The following NTHL1 variants were observed in gnomAD, a reference collection of about 807,000 sequenced individuals.
NTHL1 encodes endonuclease III-like protein 1.
A neutral mutation model predicts 32.3 loss-of-function variants in NTHL1; 32 were observed. The observed-to-expected ratio is 0.99, with a 90% confidence interval of 0.75 to 1.33. NTHL1 has a LOEUF of 1.33. Ranked by LOEUF, NTHL1 falls within the 40% of genes most tolerant of loss-of-function variation. The probability of loss-of-function intolerance (pLI) is 0.00; values close to 1 mark genes in which losing one functional copy is unlikely to be tolerated. For synonymous variants in NTHL1, 188 were observed against 176.9 expected (o/e 1.06, Z -0.50); for missense variants, 501 against 414.1 (o/e 1.21, Z -1.82).
chr16:2,046,221 C>T lies in NTHL1; in HGVS notation c.261G>A (p.Gln87=). 6.2e-7 allele frequency: 1 copy of T among 1,613,214 alleles called. No individual in the cohort carries two copies. The highest frequency in any genetic ancestry group is 1.1e-5 in the South Asian group (1 of 91,088). Residue 87 remains glutamine (Q), a synonymous_variant, in exon 2 of 6, where the codon CAG becomes CAA. Coordinates refer to ENST00000651570, the MANE Select transcript of NTHL1 (RefSeq NM_002528.7). ...TCCTCATGGCACGGATGTTGACCAG[C>T]TGTTGCTGCCAGTCCTGGGGCTCCC... The part of the protein sequence containing the change: ...PVWEPQDWQQ[Q]LVNIRAMRNK...
chr16:2,044,132 A>C lies in NTHL1; in HGVS notation c.526-406T>G. The stretch of plus-strand genomic sequence containing the variant: ...CCGGGTGGTTCCCATCCTGTGCCTG[A>C]GTGGAGAGGGCTATTTAAAACCCAT... On this transcript the variant is annotated intron_variant, in intron 3 of 5. Transcript: ENST00000651570. The surrounding 1 kb of genome is among the most constrained non-coding windows in gnomAD (Gnocchi z 5.0). 1 of 348,130 alleles carries C rather than the reference A, an allele frequency of 2.9e-6. No individual in the cohort carries two copies. Among genetic ancestry groups the C allele is most frequent in the Non-Finnish European group, 5.5e-6 (1 of 181,592 alleles). 21.6% of individuals were successfully genotyped at this position (348,130 alleles called of 1,614,324 possible).
At chr16:2,041,347 T>C (rs1460404380) in intron 4 of NTHL1, among the ~76,000 whole-genome samples, 1 of 152,154 alleles carries the variant, frequency 6.6e-6, no homozygotes, top group Non-Finnish European at 1.5e-5. Context: ...TCACCCACTT[T>C]GTGGCCAGAG....
Position 2,043,849 on chromosome 16 carries a change from T to C in NTHL1, c.526-123A>G, listed in dbSNP as rs1596219611. 1 of 1,176,082 alleles carries C rather than the reference T, an allele frequency of 8.5e-7. No individual in the cohort carries two copies. Among genetic ancestry groups the C allele is most frequent in the Non-Finnish European group, 1.2e-6 (1 of 819,100 alleles). The allele number at this position is 1,176,082 out of a possible 1,614,324, so 72.9% of individuals were successfully genotyped here. ...GCACCTGCTGAGGACGTGTGCAAGCTCAGCCCCCGCCCCCCAGGAGGCGGG... is the reference window on the plus strand; with the variant it reads ...GCACCTGCTGAGGACGTGTGCAAGCCCAGCCCCCGCCCCCCAGGAGGCGGG... On this transcript the variant is annotated intron_variant, in intron 3 of 5. Coordinates refer to ENST00000651570, the MANE Select transcript of NTHL1 (RefSeq NM_002528.7). The surrounding 1 kb of genome is among the most constrained non-coding windows in gnomAD (Gnocchi z 4.4).
chr16:2,042,022 G>A, intron 4 of NTHL1: 1 of 455,884 alleles, frequency 2.2e-6, no homozygotes, highest in South Asian at 1.5e-5. Flanking sequence ...CAAAGTGCTG[G>A]GATTACAGGC....
In NTHL1 at chr16:2,043,841, G is replaced by A; in HGVS notation, c.526-115C>T. 1 of 1,270,238 alleles carries A rather than the reference G, an allele frequency of 7.9e-7. No individual in the cohort carries two copies. Among genetic ancestry groups the A allele is most frequent in the Non-Finnish European group, 1.1e-6 (1 of 897,842 alleles). 78.7% of individuals were successfully genotyped at this position (1,270,238 alleles called of 1,614,324 possible). On this transcript the variant is annotated intron_variant, in intron 3 of 5. Coordinates refer to ENST00000651570, the MANE Select transcript of NTHL1 (RefSeq NM_002528.7). This position sits in a 1 kb window ranked among gnomAD's most constrained non-coding sequence, Gnocchi z 4.4. ...AGCTACCTGCACCTGCTGAGGACGTGTGCAAGCTCAGCCCCCGCCCCCCAG... is the reference window on the plus strand; with the variant it reads ...AGCTACCTGCACCTGCTGAGGACGTATGCAAGCTCAGCCCCCGCCCCCCAG...
chr16:2,044,778 A>G lies in NTHL1; in HGVS notation c.377T>C (p.Leu126Pro), dbSNP rs1366983655. 6.2e-7 allele frequency: 1 copy of G among 1,610,226 alleles called. No individual in the cohort carries two copies. The highest frequency in any genetic ancestry group is 8.5e-7 in the Non-Finnish European group (1 of 1,178,400). The change falls in exon 3 of 6, where the codon CTG becomes CCG. Residue 126 changes from leucine to proline, a missense_variant. By Grantham distance (98) the Leu-to-Pro change is moderately conservative. Coordinates refer to ENST00000651570, the MANE Select transcript of NTHL1 (RefSeq NM_002528.7). The surrounding 1 kb of genome is among the most constrained non-coding windows in gnomAD (Gnocchi z 5.0). ...GGTTTGGCTGGAGAGCATCAGTGAC[A>G]GCAGCACCTGGTACCTGCGTACCTG... ...PPKVRRYQVL[L>P]SLMLSSQTKD... is the part of the protein sequence containing the mutation.
rs2084311411 is a variant in NTHL1, at chr16:2,044,353, G to A, written c.525+277C>T. ...AGGCTAGCAGTAAACAAAGGGAAAG[G>A]CGGGTGGGCAGGCAGCCTTGGCGGT... On this transcript the variant is annotated intron_variant, in intron 3 of 5. Coordinates refer to ENST00000651570, the MANE Select transcript of NTHL1 (RefSeq NM_002528.7). The surrounding 1 kb of genome is among the most constrained non-coding windows in gnomAD (Gnocchi z 5.0). 6.6e-6 allele frequency among the ~76,000 whole-genome samples: 1 copy of A among 152,174 alleles called. No individual in the cohort carries two copies. The highest frequency in any genetic ancestry group is 2.4e-5 in the African/African-American group (1 of 41,442).
In NTHL1 at chr16:2,047,521, C is replaced by T. The variant is rs564584322; in HGVS notation, c.115+188G>A. 1.4e-5 allele frequency: 14 copies of T among 1,013,034 alleles called. No individual in the cohort carries two copies. The Admixed American group carries it at 4.2e-4, about 30-fold the overall frequency. The allele number at this position is 1,013,034 out of a possible 1,614,324, so 62.8% of individuals were successfully genotyped here. A position where few individuals can be genotyped will look rare whatever the true frequency, so the allele number is the denominator to read the frequency against. On this transcript the variant is annotated intron_variant, in intron 1 of 5. Transcript: ENST00000651570. ...GGAGCGGAGCGCCCGAAACCCAGCCCCTGCGGACCGCAATCTTTGGGAAAA... is the reference window on the plus strand; with the variant it reads ...GGAGCGGAGCGCCCGAAACCCAGCCTCTGCGGACCGCAATCTTTGGGAAAA...
intron 2 of NTHL1, among the ~76,000 whole-genome samples, chr16:2,045,633 C>T (rs3211972): frequency 1.4e-4 from 21 of 152,068 alleles, no homozygotes; most frequent in Admixed American, 2.6e-4. Context: ...GACGTGGTTT[C>T]GCCACATTGG....
intron 4 of NTHL1, among the ~76,000 whole-genome samples, chr16:2,042,607 G>A (rs1380177679): frequency 6.6e-6 from 1 of 152,122 alleles, no homozygotes; most frequent in South Asian, 2.1e-4. Flanking sequence ...GGCTGGGCCC[G>A]GCTGCGTGTG....
In NTHL1 at chr16:2,043,604, C is replaced by A; in HGVS notation, c.648G>T (p.Leu216=). The stretch of plus-strand genomic sequence containing the variant: ...CAGTGCCCCAGGCCACAGCCATAGC[C>A]AGGTGTGCCATCTTGGGCCCAACAC... ...LPGVGPKMAH[L]AMAVAWGTVS... is the part of the protein sequence containing the mutation. The change falls in exon 4 of 6, where the codon CTG becomes CTT. Residue 216 remains leucine, a synonymous_variant. Coordinates refer to ENST00000651570, the MANE Select transcript of NTHL1 (RefSeq NM_002528.7). The surrounding 1 kb of genome is among the most constrained non-coding windows in gnomAD (Gnocchi z 4.4). 6.2e-7 allele frequency: 1 copy of A among 1,610,042 alleles called. No homozygotes were observed. Among genetic ancestry groups the A allele is most frequent in the African/African-American group, 1.3e-5 (1 of 75,062 alleles).
chr16:2,041,999 T>G (rs976923669), intron 4 of NTHL1: 2 of 455,304 alleles, frequency 4.4e-6, no homozygotes, highest in African/African-American at 4.0e-5. Flanking sequence ...GTGATCCACA[T>G]ACCTCGGCCT....
intron 2 of NTHL1, 102 bp downstream of exon 2, chr16:2,046,026 C>A: frequency 1.1e-6 from 1 of 884,702 alleles, no homozygotes. Context: ...TCCCAAGGTG[C>A]TGTCTGCAGG....
At chr16:2,045,554 G>A (rs1328294027) in intron 2 of NTHL1, among the ~76,000 whole-genome samples, 1 of 151,832 alleles carries the variant, frequency 6.6e-6, no homozygotes, top group Non-Finnish European at 1.5e-5. Context: ...TTCCTGCCTC[G>A]CCCTCCTAAG....
At position 2,040,012 on chromosome 16, in the gene NTHL1, C is replaced by T. The variant is rs2150937912; in HGVS notation, c.827G>A (p.Gly276Asp). ...LWHEINGLLV[G>D]FGQQTCLPVH... ...AGGCAGACAGGTCTGCTGGCCGAAG[C>T]CCACCAAGAGTCCATTGATCTCGTG... Residue 276 changes from glycine (G) to aspartate (D), a missense_variant, in exon 6 of 6, where the codon GGC becomes GAC. Transcript: ENST00000651570. 1 of 1,611,706 alleles carries T rather than the reference C, an allele frequency of 6.2e-7. No homozygotes were observed. The highest frequency in any genetic ancestry group is 8.5e-7 in the Non-Finnish European group (1 of 1,179,996).
In NTHL1 at chr16:2,047,779, C is replaced by T. The variant is rs1367601001; in HGVS notation, c.45G>A (p.Leu15=). The change falls in exon 1 of 6, where the codon CTG becomes CTA. Residue 15 remains leucine (L), a synonymous_variant. Coordinates refer to ENST00000651570, the MANE Select transcript of NTHL1 (RefSeq NM_002528.7). The part of the protein sequence containing the change: ...SARMLTRSRS[L]GPGAGPRGCR... The stretch of plus-strand genomic sequence containing the variant: ...ACCCCCGCGGCCCAGCCCCGGGTCC[C>T]AGGCTCCGGCTCCGGGTCAGCATCC... The T allele has an allele frequency of 6.3e-7, 1 of 1,589,170 alleles. No individual in the cohort carries two copies. Among genetic ancestry groups the T allele is most frequent in the Non-Finnish European group, 8.5e-7 (1 of 1,173,046 alleles).
chr16:2,043,279 G>A lies in NTHL1; in HGVS notation c.685+288C>T, dbSNP rs543381937. Among the ~76,000 whole-genome samples the A allele has an allele frequency of 1.3e-5, 2 of 152,122 alleles. No individual in the cohort carries two copies. Among genetic ancestry groups the A allele is most frequent in the African/African-American group, 4.8e-5 (2 of 41,530 alleles). Reference sequence around the variant, plus strand: ...AACCATCAGGGTTTCCACTCCACGAGTGGGGAATTCCTCGCTCCACATTTC... The same window carrying A: ...AACCATCAGGGTTTCCACTCCACGAATGGGGAATTCCTCGCTCCACATTTC... On this transcript the variant is annotated intron_variant, in intron 4 of 5. Transcript: ENST00000651570. The surrounding 1 kb of genome is among the most constrained non-coding windows in gnomAD (Gnocchi z 4.4).
chr16:2,043,580 A>G lies in NTHL1; in HGVS notation c.672T>C (p.Thr224=), dbSNP rs144204932. ...TCCTCTACTCACCAATGCCTGACAC[A>G]GTGCCCCAGGCCACAGCCATAGCCA... is the stretch of plus-strand genomic sequence containing the variant. The part of the protein sequence containing the change: ...AHLAMAVAWG[T]VSGIAVDTHV... Residue 224 remains threonine (T), a synonymous_variant, in exon 4 of 6, where the codon ACT becomes ACC. Transcript: ENST00000651570. The surrounding 1 kb of genome is among the most constrained non-coding windows in gnomAD (Gnocchi z 4.4). 2 of 1,608,092 alleles carry G rather than the reference A, an allele frequency of 1.2e-6. No homozygotes were observed. The highest frequency in any genetic ancestry group is 1.7e-6 in the Non-Finnish European group (2 of 1,179,950).
intron 4 of NTHL1, among the ~76,000 whole-genome samples, chr16:2,042,494 T>C (rs1419091716): frequency 6.6e-6 from 1 of 151,994 alleles, no homozygotes; most frequent in Non-Finnish European, 1.5e-5. Context: ...CACCAGAAAG[T>C]GCTGCAAGCC....
Sources: gnomAD v4.1 joint callset for allele counts (sites outside exome capture counted in the v4.1 genomes callset) on GRCh38, gnomAD v4.1.1 for gene constraint, Gnocchi (gnomAD v3.1) non-coding constraint, MANE v1.5 for transcripts, NCBI Gene and HGNC (gene_info 2026-07-23, HGNC 2026-07-21) for gene names.